Variants in RBFOX1 observed in about 807,000 individuals in gnomAD.
RBFOX1 encodes the protein RNA binding fox-1 homolog 1.
Under a neutral mutation model 57.7 loss-of-function variants are expected in RBFOX1, and 8 were observed. That is an observed-to-expected ratio of 0.14 (90% confidence interval 0.08 to 0.25). The LOEUF is 0.25. Among genes scored for constraint, RBFOX1 ranks in the 10% least tolerant of loss-of-function variants. The pLI is 1.00. For missense variants in RBFOX1, 611 were observed against 548.5 expected, an observed-to-expected ratio of 1.11 and a Z score of -1.14; for synonymous variants, 326 against 222.4, an observed-to-expected ratio of 1.47 and a Z score of -4.15.
intron 3 of RBFOX1, among the ~76,000 whole-genome samples, chr16:7,029,306 G>GTA (rs1333916035): frequency 3.5e-5 from 5 of 143,744 alleles, no homozygotes; most frequent in African/African-American, 7.7e-5. Context: ...ATACGTATAT[G>GTA]TATATATATA....
chr16:5,853,582 A>G (rs983187657), intron 3 of RBFOX1, among the ~76,000 whole-genome samples: 8 of 152,212 alleles, frequency 5.3e-5, no homozygotes, highest in Non-Finnish European at 1.0e-4. Flanking sequence ...GTCTGTGGCA[A>G]CAAGCATCCT....
At chr16:7,331,544 C>T (rs2096695789) in intron 4 of RBFOX1, among the ~76,000 whole-genome samples, 1 of 152,040 alleles carries the variant, frequency 6.6e-6, no homozygotes, top group Non-Finnish European at 1.5e-5. Context: ...AATCTGAAAC[C>T]AAAGATGTGT....
At chr16:6,624,073 T>C (rs1209327910) in intron 2 of RBFOX1, among the ~76,000 whole-genome samples, 1 of 152,190 alleles carries the variant, frequency 6.6e-6, no homozygotes, top group Non-Finnish European at 1.5e-5. Flanking sequence ...GAAAATTCTA[T>C]GGTCCATTTC....
At chr16:6,988,953 G>A (rs1044135729) in intron 3 of RBFOX1, among the ~76,000 whole-genome samples, 2 of 151,890 alleles carry the variant, frequency 1.3e-5, no homozygotes, top group African/African-American at 4.8e-5. Flanking sequence ...TAGTTGAGAT[G>A]GGTTTTCCCA....
intron 3 of RBFOX1, among the ~76,000 whole-genome samples, chr16:6,886,132 G>A (rs1189394093): frequency 3.3e-5 from 5 of 150,924 alleles, no homozygotes; most frequent in Non-Finnish European, 7.4e-5. Context: ...CGTGATCTCG[G>A]CTCACTGCAT....
At chr16:6,041,894 A>G (rs12446061) in intron 1 of RBFOX1, among the ~76,000 whole-genome samples, 82,879 of 151,834 alleles carry the variant, frequency 0.55, 22,725 homozygotes, top group Non-Finnish European at 0.56. Flanking sequence ...TAGCTCAGGA[A>G]CCCAGTGTGT....
chr16:6,131,887 A>AGGAT (rs992001034), intron 1 of RBFOX1, among the ~76,000 whole-genome samples: 2 of 152,194 alleles, frequency 1.3e-5, no homozygotes, highest in Non-Finnish European at 2.9e-5. Context: ...GGTTAAAGAT[A>AGGAT]GGATGAAGGA....
chr16:6,849,768 A>G (rs976964835), intron 3 of RBFOX1, among the ~76,000 whole-genome samples: 5 of 152,162 alleles, frequency 3.3e-5, no homozygotes, highest in African/African-American at 1.2e-4. Flanking sequence ...CCCAGTACAA[A>G]TGCCATCTCC....
chr16:6,181,992 G>C (rs2097066972), intron 1 of RBFOX1, among the ~76,000 whole-genome samples: 1 of 152,090 alleles, frequency 6.6e-6, no homozygotes, highest in South Asian at 2.1e-4. Context: ...TATCATTTCT[G>C]ATCATACTGT....
At chr16:6,580,604 A>C (rs1380210831) in intron 2 of RBFOX1, among the ~76,000 whole-genome samples, 3 of 152,172 alleles carry the variant, frequency 2.0e-5, no homozygotes, top group Non-Finnish European at 4.4e-5. Flanking sequence ...GGGATGCATA[A>C]TAGTGATTGT....
chr16:6,998,640 A>G lies in RBFOX1; in HGVS notation c.-15-53417A>G, dbSNP rs1171318605. Among the ~76,000 whole-genome samples the G allele has an allele frequency of 4.6e-5, 7 of 152,130 alleles. No individual in the cohort carries two copies. The South Asian group carries it at 6.2e-4, about 13-fold the overall frequency. ...TGCTTTTTGGTGTCTCCAAATTGCA[A>G]TCCTGTTTCACATTTTGTGTTCCTT... On this transcript the variant is annotated intron_variant, in intron 3 of 15. Coordinates refer to ENST00000550418, the MANE Select transcript of RBFOX1 (RefSeq NM_018723.4).
intron 1 of RBFOX1, among the ~76,000 whole-genome samples, chr16:5,403,247 G>C (rs999672638): frequency 7.3e-5 from 11 of 151,678 alleles, no homozygotes; most frequent in African/African-American, 2.4e-4. Context: ...CTATTTGGGA[G>C]GCTGAGGCAG....
chr16:5,827,539 T>C (rs1567594467), intron 3 of RBFOX1, among the ~76,000 whole-genome samples: 1 of 152,100 alleles, frequency 6.6e-6, no homozygotes, highest in Non-Finnish European at 1.5e-5. Flanking sequence ...AAGATTTTTC[T>C]GACAAGGGCC....
At chr16:7,449,608 A>G (rs767869704) in intron 4 of RBFOX1, among the ~76,000 whole-genome samples, 2 of 151,440 alleles carry the variant, frequency 1.3e-5, no homozygotes, top group East Asian at 2.0e-4. Context: ...TCTCTACTCA[A>G]TTCAAGCCTG....
intron 1 of RBFOX1, among the ~76,000 whole-genome samples, chr16:5,256,111 A>G (rs1268146271): frequency 6.6e-6 from 1 of 152,154 alleles, no homozygotes; most frequent in Non-Finnish European, 1.5e-5. Context: ...TACAGGTGCT[A>G]AGTTTTGCAG....
intron 4 of RBFOX1, among the ~76,000 whole-genome samples, chr16:7,281,589 G>A (rs1440662048): frequency 1.3e-5 from 2 of 152,228 alleles, no homozygotes; most frequent in East Asian, 3.9e-4. Flanking sequence ...AATATCTGGT[G>A]TTGGAAGTCA....
chr16:7,189,888 T>G (rs930409731), intron 4 of RBFOX1, among the ~76,000 whole-genome samples: 4 of 152,140 alleles, frequency 2.6e-5, no homozygotes, highest in Non-Finnish European at 5.9e-5. Context: ...CCAACTCACA[T>G]CCATAAGAAA....
chr16:6,697,925 T>C (rs1199952551), intron 3 of RBFOX1, among the ~76,000 whole-genome samples: 1 of 152,198 alleles, frequency 6.6e-6, no homozygotes, highest in Admixed American at 6.5e-5. Context: ...TCTCTTTTTT[T>C]AAAACATCTG....
At chr16:5,751,792 A>G (rs1019731082) in intron 3 of RBFOX1, among the ~76,000 whole-genome samples, 2 of 152,190 alleles carry the variant, frequency 1.3e-5, no homozygotes, top group African/African-American at 4.8e-5. Context: ...ACTATATTAA[A>G]CCCATTTTAA....
Sources: gnomAD v4.1 joint callset for allele counts (sites outside exome capture counted in the v4.1 genomes callset) on GRCh38, gnomAD v4.1.1 for gene constraint, MANE v1.5 for transcripts, NCBI Gene and HGNC (gene_info 2026-07-23, HGNC 2026-07-21) for gene names.